SEMA3C: variants seen among roughly 807,000 people sequenced by gnomAD.
SEMA3C encodes the protein semaphorin-3C.
SEMA3C carries 47 observed loss-of-function variants against 89.4 expected under a neutral mutation model. The observed-to-expected ratio is 0.53, with a 90% CI of 0.42 to 0.67. The LOEUF is 0.67. Ranked by LOEUF, SEMA3C falls within the 30% of genes least tolerant of loss-of-function variation. The probability of loss-of-function intolerance (pLI) is 0.00; values close to 1 mark genes in which losing one functional copy is unlikely to be tolerated. For synonymous variants in SEMA3C, 310 were observed against 320.2 expected (o/e 0.97, Z 0.34); for missense variants, 839 against 929.1 (o/e 0.90, Z 1.26).
intron 2 of SEMA3C, among the ~76,000 whole-genome samples, chr7:80,878,815 T>C (rs1299666274): frequency 6.6e-6 from 1 of 152,096 alleles, no homozygotes; most frequent in East Asian, 1.9e-4. Context: ...GCCCAGAATG[T>C]GGAGTGTGAT....
At chr7:80,899,999 C>A (rs1465807629) in intron 2 of SEMA3C, among the ~76,000 whole-genome samples, 1 of 152,148 alleles carries the variant, frequency 6.6e-6, no homozygotes, top group African/African-American at 2.4e-5. Flanking sequence ...GGACAGACTG[C>A]AAAGTGGTGA....
intron 3 of SEMA3C, among the ~76,000 whole-genome samples, chr7:80,827,786 A>C (rs1421194255): frequency 6.6e-6 from 1 of 151,978 alleles, no homozygotes; most frequent in Non-Finnish European, 1.5e-5. Flanking sequence ...ACAATTTTTC[A>C]CTCCTTTTGA....
At chr7:80,886,205 T>A (rs1033517107) in intron 2 of SEMA3C, among the ~76,000 whole-genome samples, 9 of 150,466 alleles carry the variant, frequency 6.0e-5, no homozygotes, top group East Asian at 3.9e-4. Flanking sequence ...AAGTCTACCT[T>A]TTTTTTTTAC....
Position 80,841,954 on chromosome 7 carries a change from G to C in SEMA3C, c.104-13209C>G, listed in dbSNP as rs114016827. ...CAAGTCTGCAGAACTGCAGAGGACA[G>C]TGAAGACATGTTCATTTAACTTTAA... On this transcript the variant is annotated intron_variant, in intron 2 of 17. Coordinates refer to ENST00000265361, the MANE Select transcript of SEMA3C (RefSeq NM_006379.5). Among the ~76,000 whole-genome samples, 667 of 152,290 alleles carry C rather than the reference G, an allele frequency of 4.4e-3. 7 individuals are homozygous for C. The highest frequency in any genetic ancestry group is 0.015 in the African/African-American group (626 of 41,580).
intron 2 of SEMA3C, among the ~76,000 whole-genome samples, chr7:80,906,692 G>A (rs1792023684): frequency 1.3e-5 from 2 of 152,144 alleles, no homozygotes. Flanking sequence ...AGAGTAGAAG[G>A]TAGATGTCAG....
intron 2 of SEMA3C, among the ~76,000 whole-genome samples, chr7:80,904,274 C>T (rs1791954549): frequency 6.6e-6 from 1 of 152,190 alleles, no homozygotes; most frequent in South Asian, 2.1e-4. Context: ...CTCCTGGCCT[C>T]AAGTGATCCA....
rs139796753 is a variant in SEMA3C at position 80,852,982 on chromosome 7, T to C, written c.104-24237A>G. Among the ~76,000 whole-genome samples the C allele has an allele frequency of 3.6e-3, 555 of 152,138 alleles. 5 individuals carry two copies. Among genetic ancestry groups the C allele is most frequent in the African/African-American group, 0.013 (529 of 41,504 alleles). On this transcript the variant is annotated intron_variant, in intron 2 of 17. Transcript: ENST00000265361. Reference sequence around the variant, plus strand: ...CATGAGCCACCGTGCCTGGACTGAATAGACATTTTTCAAAAGAAGACAAAC... The same window carrying C: ...CATGAGCCACCGTGCCTGGACTGAACAGACATTTTTCAAAAGAAGACAAAC...
chr7:80,849,507 C>T (rs187411777), intron 2 of SEMA3C, among the ~76,000 whole-genome samples: 139 of 152,032 alleles, frequency 9.1e-4, no homozygotes, highest in African/African-American at 3.0e-3. Flanking sequence ...TTCTTAAAGA[C>T]GGGCATTAAT....
chr7:80,789,125 T>A, intron 12 of SEMA3C, among the ~76,000 whole-genome samples, 181 bp downstream of exon 12: 1 of 152,146 alleles, frequency 6.6e-6, no homozygotes, highest in East Asian at 1.9e-4. Flanking sequence ...TAATTTACTT[T>A]ATTAGCTTCA....
intron 2 of SEMA3C, among the ~76,000 whole-genome samples, chr7:80,903,750 T>G (rs2116209425): frequency 6.6e-6 from 1 of 152,306 alleles, no homozygotes; most frequent in Non-Finnish European, 1.5e-5. Context: ...ATTAGTGTGT[T>G]AAGTATCTAC....
chr7:80,911,252 T>C (rs1015054162), intron 2 of SEMA3C, among the ~76,000 whole-genome samples: 1 of 152,218 alleles, frequency 6.6e-6, no homozygotes, highest in African/African-American at 2.4e-5. Flanking sequence ...ATTGTGATCT[T>C]TGTGGATCTT....
At position 80,742,715 on chromosome 7, in the gene SEMA3C, T is replaced by C. The variant is rs914264354; in HGVS notation, c.*2179A>G. ...CTTACACTTTGGAAAAAAGTGTATTTCTAGAAAATTTTATGTACAATACAA... is the reference window on the plus strand; with the variant it reads ...CTTACACTTTGGAAAAAAGTGTATTCCTAGAAAATTTTATGTACAATACAA... On this transcript the variant is annotated 3_prime_UTR_variant, in exon 18 of 18. Transcript: ENST00000265361. 2 of 151,936 alleles carry C rather than the reference T, an allele frequency of 1.3e-5. No homozygotes were observed. The highest frequency in any genetic ancestry group is 4.8e-5 in the African/African-American group (2 of 41,434). 9.4% of individuals were successfully genotyped at this position (151,936 alleles called of 1,614,324 possible). A position where few individuals can be genotyped will look rare whatever the true frequency, so the allele number is the denominator to read the frequency against.
At chr7:80,815,530 A>C (rs1789581126) in intron 5 of SEMA3C, among the ~76,000 whole-genome samples, 1 of 143,920 alleles carries the variant, frequency 6.9e-6, no homozygotes, top group Admixed American at 7.1e-5. Flanking sequence ...AAGGGAAAGA[A>C]ACCCAATCCT....
At chr7:80,874,863 G>C (rs569809593) in intron 2 of SEMA3C, among the ~76,000 whole-genome samples, 1 of 151,954 alleles carries the variant, frequency 6.6e-6, no homozygotes, top group Non-Finnish European at 1.5e-5. Flanking sequence ...GGTGGAGCAC[G>C]TGAGGTCAGG....
intron 6 of SEMA3C, among the ~76,000 whole-genome samples, chr7:80,809,463 T>C (rs541140240): frequency 1.3e-5 from 2 of 152,294 alleles, no homozygotes; most frequent in South Asian, 2.1e-4. Context: ...CTGGATCATA[T>C]GGTGATTCTA....
chr7:80,754,839 G>A (rs565036971), intron 15 of SEMA3C, among the ~76,000 whole-genome samples: 2 of 151,968 alleles, frequency 1.3e-5, no homozygotes, highest in South Asian at 2.1e-4. Flanking sequence ...GTGCAATGGC[G>A]CGATCTCAGC....
In SEMA3C at chr7:80,745,080, C is replaced by T. The variant is rs763266234; in HGVS notation, c.2070G>A (p.Pro690=). 29 of 1,613,940 alleles carry T rather than the reference C, an allele frequency of 1.8e-5. No individual in the cohort carries two copies. The highest frequency in any genetic ancestry group is 4.0e-5 in the African/African-American group (3 of 74,914). ...GGCTGAATGCCCCCATGATGTCCTT[C>T]GGGTGGAAGGGTAAAGCCCTCACAG... The part of the protein sequence containing the change: ...ASSVRALPFH[P]KDIMGAFSHS... The change falls in exon 18 of 18, where the codon CCG becomes CCA. Residue 690 remains proline (P), a synonymous_variant. Coordinates refer to ENST00000265361, the MANE Select transcript of SEMA3C (RefSeq NM_006379.5).
At chr7:80,903,004 G>A (rs1791920528) in intron 2 of SEMA3C, among the ~76,000 whole-genome samples, 1 of 152,190 alleles carries the variant, frequency 6.6e-6, no homozygotes, top group Non-Finnish European at 1.5e-5. Context: ...TGAGAGCCCT[G>A]ACAGGGTTTG....
At chr7:80,799,811 G>GCA (rs1401483995) in intron 10 of SEMA3C, among the ~76,000 whole-genome samples, 1 of 148,332 alleles carries the variant, frequency 6.7e-6, no homozygotes, top group African/African-American at 2.5e-5. Context: ...CTGAGATCAT[G>GCA]CCATTGCACT....
Sources: allele counts gnomAD v4.1 joint callset (sites outside exome capture counted in the v4.1 genomes callset), GRCh38; gene constraint gnomAD v4.1.1; transcripts MANE v1.5; gene names NCBI Gene and HGNC (gene_info 2026-07-23, HGNC 2026-07-21).